The following DYSF variants were observed in gnomAD, a reference collection of about 807,000 sequenced individuals.
DYSF encodes dystrophy-associated fer-1-like 1.
In DYSF, 212 loss-of-function variants were observed where a neutral mutation model predicts 274.9. That is an observed-to-expected ratio of 0.77 (90% CI 0.69 to 0.86). DYSF has a LOEUF of 0.86. DYSF is among the 40% of genes least tolerant of loss of function. The probability of loss-of-function intolerance (pLI) is 0.00; values close to 1 mark genes in which losing one functional copy is unlikely to be tolerated. For missense variants in DYSF, 2,666 were observed against 2,783.2 expected (o/e 0.96, Z 0.95); for synonymous variants, 1,091 against 1,078.7 (o/e 1.01, Z -0.22).
rs562016766 is a variant in DYSF, at chr2:71,454,434, TCTC to T, written c.88+354_88+356del. 2.9e-3 allele frequency among the ~76,000 whole-genome samples: 435 copies of T among 152,244 alleles called. 2 individuals are homozygous for T. Among genetic ancestry groups the T allele is most frequent in the African/African-American group, 9.9e-3 (410 of 41,546 alleles). On this transcript the variant is annotated intron_variant, in intron 1 of 54. Transcript: ENST00000258104. The stretch of plus-strand genomic sequence containing the variant: ...GCGGCGAAGCGCTGTACTGCAGGGC[TCTC>T]CTCCTTCTCCCCTGAAGGTCTGGTC...
At chr2:71,588,114 G>A (rs1463587292) in intron 30 of DYSF, among the ~76,000 whole-genome samples, 1 of 152,220 alleles carries the variant, frequency 6.6e-6, no homozygotes, top group East Asian at 1.9e-4. Context: ...ATGGGAGTGA[G>A]TGTGTCTGGG....
At chr2:71,570,956 C>T (rs148043778) in intron 29 of DYSF, 6 of 645,324 alleles carry the variant, frequency 9.3e-6, no homozygotes, top group African/African-American at 3.8e-5. Flanking sequence ...CCAAAGATCA[C>T]ACCCAGCATA....
chr2:71,598,574 C>T lies in DYSF; in HGVS notation c.3585C>T (p.Ala1195=). Residue 1195 remains alanine (A), a synonymous_variant, in exon 33 of 56, where the codon GCC becomes GCT. Coordinates refer to ENST00000410020, the MANE Select transcript of DYSF (RefSeq NM_001130987.2). The part of the protein sequence containing the change: ...MDKDSFSDPY[A]IVSFLHQSQK... ...CTCCGGCCCATGCAGATCCCTATGC[C>T]ATCGTCTCCTTCCTGCACCAGAGCC... 6.2e-7 allele frequency: 1 copy of T among 1,614,220 alleles called. No individual in the cohort carries two copies. Among genetic ancestry groups the T allele is most frequent in the Non-Finnish European group, 8.5e-7 (1 of 1,180,048 alleles).
Position 71,649,214 on chromosome 2 carries a change from A to G in DYSF, c.4626+5151A>G, listed in dbSNP as rs556896581. Among the ~76,000 whole-genome samples, 37 of 152,154 alleles carry G rather than the reference A, an allele frequency of 2.4e-4. No individual in the cohort carries two copies. The Middle Eastern group carries it at 0.01, about 42-fold the overall frequency. On this transcript the variant is annotated intron_variant, in intron 42 of 55. Transcript: ENST00000410020. ...AAAATGAAAACAAATGGAAGGGTTA[A>G]GGTAATAGGTAAGAATGTAAATATC...
Position 71,613,340 on chromosome 2 carries a change from T to C in DYSF, c.4394T>C (p.Val1465Ala). The C allele has an allele frequency of 1.9e-6, 3 of 1,613,006 alleles. No individual in the cohort carries two copies. Among genetic ancestry groups the C allele is most frequent in the Non-Finnish European group, 2.5e-6 (3 of 1,179,608 alleles). Residue 1465 changes from valine (V) to alanine (A), a missense_variant, in exon 40 of 56, where the codon GTG becomes GCG. Coordinates refer to ENST00000410020, the MANE Select transcript of DYSF (RefSeq NM_001130987.2). ...SPSPQGGPDD[V>A]SLLSPGEDVL... ...ATGGCTCCCTCCCCTGCAGACGATG[T>C]GAGCCTACTCAGTCCTGGGGAAGAC...
chr2:71,490,350 C>T (rs971143775), intron 3 of DYSF, among the ~76,000 whole-genome samples: 4 of 152,130 alleles, frequency 2.6e-5, no homozygotes, highest in Non-Finnish European at 5.9e-5. Context: ...ATCTTTCTTT[C>T]TTTTTTGAGA....
chr2:71,479,335 G>T (rs1485528182), intron 1 of DYSF, among the ~76,000 whole-genome samples: 2 of 151,708 alleles, frequency 1.3e-5, no homozygotes, highest in South Asian at 2.1e-4. Context: ...CTGTGGATCA[G>T]TGTCTTCATG....
At position 71,495,087 on chromosome 2, in the gene DYSF, G is replaced by C. The variant is rs115278426; in HGVS notation, c.240-8127G>C. On this transcript the variant is annotated intron_variant, in intron 3 of 55. Transcript: ENST00000410020. ...TTCTATCTAGGTTCCAGGCACATGT[G>C]GGGGGTGATAGGTGTATTAACTGAA... Among the ~76,000 whole-genome samples the C allele has an allele frequency of 2.3e-3, 347 of 152,246 alleles. 2 individuals are homozygous for C. Among genetic ancestry groups the C allele is most frequent in the African/African-American group, 7.8e-3 (325 of 41,522 alleles).
chr2:71,572,887 C>G (rs1241844722), intron 29 of DYSF, among the ~76,000 whole-genome samples: 1 of 152,218 alleles, frequency 6.6e-6, no homozygotes, highest in Non-Finnish European at 1.5e-5. Flanking sequence ...CGTTGGCATT[C>G]ATGCAATGCA....
chr2:71,613,693 C>T (rs1348012604), intron 40 of DYSF, among the ~76,000 whole-genome samples: 1 of 151,732 alleles, frequency 6.6e-6, no homozygotes, highest in Non-Finnish European at 1.5e-5. Context: ...GGGCTTTCTC[C>T]TGGAGATCAC....
At chr2:71,484,294 C>T (rs893595576) in intron 3 of DYSF, among the ~76,000 whole-genome samples, 1 of 152,070 alleles carries the variant, frequency 6.6e-6, no homozygotes, top group African/African-American at 2.4e-5. Flanking sequence ...CTCAGGTGAT[C>T]CTCCTGGCTC....
intron 41 of DYSF, among the ~76,000 whole-genome samples, chr2:71,642,407 T>C (rs2094501503): frequency 6.6e-6 from 1 of 152,228 alleles, no homozygotes; most frequent in Non-Finnish European, 1.5e-5. Flanking sequence ...TCCTGTGAGT[T>C]TGATATGTAT....
chr2:71,617,996 ATGTG>A (rs1345323691), intron 40 of DYSF, among the ~76,000 whole-genome samples: 3 of 42,364 alleles, frequency 7.1e-5, no homozygotes, highest in Admixed American at 5.7e-4. Flanking sequence ...GGTGAGGTAT[ATGTG>A]TGTGTGGTAG....
At chr2:71,679,339 C>G in intron 53 of DYSF, 104 bp downstream of exon 53, 5 of 1,174,046 alleles carry the variant, frequency 4.3e-6, no homozygotes, top group Non-Finnish European at 6.1e-6. Flanking sequence ...ACTGTTCCTC[C>G]TCCTTTCTCC....
At chr2:71,622,147 G>A (rs114870432) in intron 41 of DYSF, among the ~76,000 whole-genome samples, 1 of 45,472 alleles carries the variant, frequency 2.2e-5, no homozygotes, top group Non-Finnish European at 4.6e-5. Context: ...TTTTTTTTTT[G>A]TTACGCCCAG....
At chr2:71,496,132 T>A (rs186585039) in intron 3 of DYSF, among the ~76,000 whole-genome samples, 5 of 152,074 alleles carry the variant, frequency 3.3e-5, no homozygotes, top group African/African-American at 1.2e-4. Flanking sequence ...CCTCCCAGCC[T>A]CCTCTTCATA....
At chr2:71,663,110 T>G (rs2094931042) in intron 45 of DYSF, among the ~76,000 whole-genome samples, 1 of 71,990 alleles carries the variant, frequency 1.4e-5, no homozygotes, top group Non-Finnish European at 3.4e-5. Flanking sequence ...TGTTTCTCCC[T>G]TCCTGCTCTG....
chr2:71,647,440 T>G (rs1222945551), intron 42 of DYSF, among the ~76,000 whole-genome samples: 1 of 152,164 alleles, frequency 6.6e-6, no homozygotes, highest in East Asian at 1.9e-4. Flanking sequence ...TTCAACCGCT[T>G]AGAAATTTAA....
In DYSF at chr2:71,466,905, C is replaced by A. The variant is rs1223790501; in HGVS notation, c.63C>A (p.Ser21Arg). Residue 21 changes from serine to arginine, a missense_variant, in exon 1 of 56, where the codon AGC becomes AGA. Around this residue, in one of 3 missense-constraint regions of DYSF, gnomAD observed 794 missense variants for 777.1 expected, o/e 1.02. Transcript: ENST00000410020. Reference protein sequence around the residue: ...NLPSAKKDRRSDPVASLTFRG... With the variant: ...NLPSAKKDRRRDPVASLTFRG... ...CCAGTGCGAAGAAGGACCGGCGCAG[C>A]GACCCTGTCGCAAGCCTGACTTTCC... The A allele has an allele frequency of 6.5e-7, 1 of 1,549,938 alleles. No individual in the cohort carries two copies. Among genetic ancestry groups the A allele is most frequent in the East Asian group, 2.4e-5 (1 of 40,874 alleles).
Sources: allele counts gnomAD v4.1 joint callset (sites outside exome capture counted in the v4.1 genomes callset), GRCh38; gene constraint gnomAD v4.1.1; regional missense constraint gnomAD v4.1.1; transcripts MANE v1.5; gene names NCBI Gene and HGNC (gene_info 2026-07-23, HGNC 2026-07-21).